The following POC1B variants were observed in gnomAD, a reference collection of about 807,000 sequenced individuals.
POC1B encodes the protein POC1 centriolar protein B.
Under a neutral mutation model 60.6 loss-of-function variants are expected in POC1B, and 44 were observed. The ratio of observed to expected loss-of-function variants is 0.73; its 90% CI spans 0.57 to 0.93. POC1B has a LOEUF of 0.93. Ranked by LOEUF, POC1B falls within the 40% of genes least tolerant of loss-of-function variation. POC1B has a pLI of 0.00. For synonymous variants in POC1B, 180 were observed against 198.9 expected (o/e 0.90, Z 0.80); for missense variants, 555 against 572.3 (o/e 0.97, Z 0.31).
At chr12:89,409,438 C>T in the POC1B span, among the ~76,000 whole-genome samples, 1,465 of 152,162 alleles carry the variant, frequency 9.6e-3, 10 homozygotes, top group Non-Finnish European at 0.016. Context: ...GTTGTAGATG[C>T]GTGGTGTTAT....
At chr12:89,458,510 C>T (rs1377399704) in intron 10 of POC1B, among the ~76,000 whole-genome samples, 5 of 152,130 alleles carry the variant, frequency 3.3e-5, no homozygotes, top group South Asian at 2.1e-4. Context: ...ACCCTCACTT[C>T]GTTTTTGTCA....
intron 2 of POC1B, chr12:89,502,188 G>A: frequency 8.7e-7 from 1 of 1,153,756 alleles, no homozygotes; most frequent in Non-Finnish European, 1.3e-6. Context: ...ATTATTTAAT[G>A]TCTGGAAAGA....
chr12:89,401,476 T>TC, the POC1B span, among the ~76,000 whole-genome samples: 9,240 of 148,858 alleles, frequency 0.062, 835 homozygotes, highest in East Asian at 0.21. Context: ...GTTGCCTTTT[T>TC]CATTTTTTTT....
intron 4 of POC1B, among the ~76,000 whole-genome samples, chr12:89,489,782 C>A (rs1308944983): frequency 6.6e-6 from 1 of 152,230 alleles, no homozygotes; most frequent in African/African-American, 2.4e-5. Context: ...ATACCTGCTT[C>A]TTGTAAGAAG....
chr12:89,451,943 T>C (rs1882059128), intron 10 of POC1B, among the ~76,000 whole-genome samples: 1 of 152,158 alleles, frequency 6.6e-6, no homozygotes, highest in Non-Finnish European at 1.5e-5. Flanking sequence ...AACCATCCTA[T>C]AGGTCAGCAG....
intron 4 of POC1B, among the ~76,000 whole-genome samples, chr12:89,490,878 A>G (rs939314115): frequency 6.6e-6 from 1 of 151,970 alleles, no homozygotes; most frequent in African/African-American, 2.4e-5. Context: ...CTAAAATCCA[A>G]CCACATCTCA....
chr12:89,423,992 C>A (rs7970538), intron 11 of POC1B, among the ~76,000 whole-genome samples: 1 of 152,086 alleles, frequency 6.6e-6, no homozygotes, highest in African/African-American at 2.4e-5. Context: ...GGGAAGAGGG[C>A]AATGGCCTTT....
At chr12:89,457,785 CATTTT>C (rs1329966871) in intron 10 of POC1B, among the ~76,000 whole-genome samples, 2 of 152,086 alleles carry the variant, frequency 1.3e-5, no homozygotes, top group Non-Finnish European at 2.9e-5. Flanking sequence ...TTTACTCTTC[CATTTT>C]ATTATTCTGT....
chr12:89,469,675 G>T (rs1185624393), intron 7 of POC1B, among the ~76,000 whole-genome samples: 3 of 152,224 alleles, frequency 2.0e-5, no homozygotes, highest in Non-Finnish European at 2.9e-5. Context: ...GGTGTGAGAG[G>T]CTGGGTGTCA....
the POC1B span, among the ~76,000 whole-genome samples, chr12:89,409,983 C>T: frequency 0.035 from 5,325 of 152,236 alleles, 310 homozygotes; most frequent in East Asian, 0.25. Context: ...AATACCAAAA[C>T]CTGGCAGAGA....
chr12:89,500,105 G>C (rs750048597), intron 2 of POC1B: 3 of 1,450,820 alleles, frequency 2.1e-6, no homozygotes, highest in Middle Eastern at 2.0e-4. Flanking sequence ...GGCTGTGTCG[G>C]GTCTGGATCA....
At chr12:89,456,360 C>T (rs1485758747) in intron 10 of POC1B, among the ~76,000 whole-genome samples, 2 of 152,072 alleles carry the variant, frequency 1.3e-5, no homozygotes, top group East Asian at 1.9e-4. Flanking sequence ...GAAACAAATT[C>T]GTATCTTGTT....
At chr12:89,424,446 C>T (rs1333408733) in intron 11 of POC1B, among the ~76,000 whole-genome samples, 2 of 152,136 alleles carry the variant, frequency 1.3e-5, no homozygotes, top group African/African-American at 4.8e-5. Context: ...ATTGACATCT[C>T]TGTAGTTCAT....
chr12:89,490,350 TG>T (rs1868894259), intron 4 of POC1B, among the ~76,000 whole-genome samples: 1 of 152,166 alleles, frequency 6.6e-6, no homozygotes, highest in Non-Finnish European at 1.5e-5. Flanking sequence ...TTTGTTTGTT[TG>T]TTTTTTTGAG....
At chr12:89,442,958 C>G (rs1232335361) in intron 10 of POC1B, among the ~76,000 whole-genome samples, 1 of 152,126 alleles carries the variant, frequency 6.6e-6, no homozygotes, top group African/African-American at 2.4e-5. Context: ...CAACCTTAGT[C>G]TCTGATAAAA....
intron 7 of POC1B, among the ~76,000 whole-genome samples, chr12:89,469,552 G>A (rs930457322): frequency 6.6e-6 from 1 of 152,220 alleles, no homozygotes; most frequent in African/African-American, 2.4e-5. Flanking sequence ...GAATATCAGA[G>A]AAAAACAGTG....
At chr12:89,406,156 G>T in the POC1B span, among the ~76,000 whole-genome samples, 1 of 152,114 alleles carries the variant, frequency 6.6e-6, no homozygotes, top group Non-Finnish European at 1.5e-5. Flanking sequence ...AAGCTGAGTT[G>T]CAAAGGAGGC....
intron 4 of POC1B, 66 bp from the exon 5 acceptor site, chr12:89,472,341 C>CA (rs1882933293): frequency 3.9e-6 from 4 of 1,036,344 alleles, no homozygotes; most frequent in Non-Finnish European, 5.8e-6. Flanking sequence ...CTCACCTCTA[C>CA]ACCACAAATA....
At chr12:89,451,477 A>AGTTG (rs926993855) in intron 10 of POC1B, among the ~76,000 whole-genome samples, 1 of 149,726 alleles carries the variant, frequency 6.7e-6, no homozygotes, top group Admixed American at 6.7e-5. Flanking sequence ...TTAAGTGATG[A>AGTTG]GTTGGTTGGT....
Sources: gnomAD v4.1 joint callset for allele counts (sites outside exome capture counted in the v4.1 genomes callset) on GRCh38, gnomAD v4.1.1 for gene constraint, MANE v1.5 for transcripts, NCBI Gene and HGNC (gene_info 2026-07-23, HGNC 2026-07-21) for gene names.